The following TACC2 variants were observed in gnomAD, a reference collection of about 807,000 sequenced individuals.
TACC2 encodes transforming acidic coiled-coil containing protein 2.
In TACC2, 137 loss-of-function variants were observed where a neutral mutation model predicts 227.3. The ratio of observed to expected loss-of-function variants is 0.60; its 90% CI spans 0.52 to 0.69. The LOEUF is 0.69. Ranked by LOEUF, TACC2 falls within the 30% of genes least tolerant of loss-of-function variation. The probability of loss-of-function intolerance (pLI) is 0.00; values close to 1 mark genes in which losing one functional copy is unlikely to be tolerated. For missense variants in TACC2, 3,470 were observed against 3,694.4 expected, an observed-to-expected ratio of 0.94 and a Z score of 1.57; for synonymous variants, 1,523 against 1,487.5, an observed-to-expected ratio of 1.02 and a Z score of -0.55.
rs1300617331 is a variant in TACC2 at position 122,085,429 on chromosome 10, A to C, written c.2929A>C (p.Asn977His). 6.2e-7 allele frequency: 1 copy of C among 1,613,886 alleles called. No individual in the cohort carries two copies. The highest frequency in any genetic ancestry group is 2.2e-5 in the East Asian group (1 of 44,888). ...DVLKDFSLAG[N>H]FSRKETCCTG... ...CTTAAAAGACTTTTCTCTTGCAGGG[A>C]ACTTCAGCAGAAAGGAAACTTGCTG... Residue 977 changes from asparagine to histidine, a missense_variant, in exon 4 of 23, where the codon AAC becomes CAC. This residue lies in a region of TACC2 where 1,924 missense variants were observed against 1,978.3 expected (regional missense o/e 0.97). Transcript: ENST00000369005.
chr10:122,136,537 G>A (rs75570286), intron 6 of TACC2, among the ~76,000 whole-genome samples: 1 of 73,622 alleles, frequency 1.4e-5, no homozygotes, highest in Admixed American at 1.5e-4. Context: ...GTATGTTTGT[G>A]TGTGTGTGTA....
At chr10:122,122,612 C>G (rs1018208164) in intron 5 of TACC2, among the ~76,000 whole-genome samples, 15 of 151,936 alleles carry the variant, frequency 9.9e-5, no homozygotes, top group Non-Finnish European at 1.6e-4. Flanking sequence ...GCTGCTTTCC[C>G]CGGGGTCCTG....
chr10:122,176,810 T>C (rs2093741269), intron 7 of TACC2, among the ~76,000 whole-genome samples: 1 of 152,108 alleles, frequency 6.6e-6, no homozygotes, highest in African/African-American at 2.4e-5. Context: ...ACACAGTAAT[T>C]ATGTGTATAT....
chr10:122,033,470 T>C (rs1959194347), intron 2 of TACC2, among the ~76,000 whole-genome samples: 1 of 152,198 alleles, frequency 6.6e-6, no homozygotes, highest in African/African-American at 2.4e-5. Flanking sequence ...TACTAACCCC[T>C]CCAAACTCTT....
intron 3 of TACC2, among the ~76,000 whole-genome samples, chr10:122,073,237 A>G (rs994127199): frequency 8.0e-5 from 12 of 150,580 alleles, no homozygotes; most frequent in Admixed American, 7.3e-4. Context: ...GTACTGAGAG[A>G]GTGTCTGTAC....
At chr10:122,172,785 A>G (rs991865081) in intron 7 of TACC2, among the ~76,000 whole-genome samples, 1 of 151,712 alleles carries the variant, frequency 6.6e-6, no homozygotes, top group Non-Finnish European at 1.5e-5. Flanking sequence ...CTCTTGTGGG[A>G]GGAGGAAGAG....
intron 8 of TACC2, among the ~76,000 whole-genome samples, chr10:122,200,237 C>T (rs10732826): frequency 0.9 from 137,627 of 152,298 alleles, 62,239 homozygotes; most frequent in African/African-American, 0.94. Flanking sequence ...CCCTGGCCAT[C>T]GAGCCAGGGG....
chr10:122,217,365 A>G (rs1412962318), intron 11 of TACC2, among the ~76,000 whole-genome samples: 1 of 151,596 alleles, frequency 6.6e-6, no homozygotes, highest in South Asian at 2.1e-4. Flanking sequence ...GCTCCGGACA[A>G]CTTTGCTTAT....
chr10:122,088,515 G>A lies in TACC2; in HGVS notation c.5497G>A (p.Val1833Ile), dbSNP rs762912856. The change falls in exon 5 of 23, where the codon GTT becomes ATT. Residue 1833 changes from valine to isoleucine, a missense_variant. Val to Ile is a conservative substitution (Grantham distance 29). This residue lies in a region of TACC2 where 1,924 missense variants were observed against 1,978.3 expected (regional missense o/e 0.97). Transcript: ENST00000369005. The part of the protein sequence containing the change: ...PRPGPSMLPS[V>I]PKKDAPRVMD... The stretch of plus-strand genomic sequence containing the variant: ...GCCTGGCCCATCCATGTTACCTTCG[G>A]TTCCTAAGAAGGATGCTCCAAGAGT... 1.9e-6 allele frequency: 3 copies of A among 1,613,596 alleles called. No homozygotes were observed. The highest frequency in any genetic ancestry group is 1.6e-4 in the Middle Eastern group (1 of 6,080).
intron 2 of TACC2, among the ~76,000 whole-genome samples, chr10:122,026,065 T>C (rs2135635884): frequency 6.7e-6 from 1 of 148,610 alleles, no homozygotes; most frequent in African/African-American, 2.5e-5. Flanking sequence ...ACGCCTGTAA[T>C]CCCAGCACTT....
In TACC2 at chr10:122,084,781, C is replaced by T; in HGVS notation, c.2281C>T (p.Gln761Ter). 1 of 1,613,594 alleles carries T rather than the reference C, an allele frequency of 6.2e-7. No homozygotes were observed. Among genetic ancestry groups the T allele is most frequent in the Non-Finnish European group, 8.5e-7 (1 of 1,180,034 alleles). ...GGAGGGCTTGCTGACGTCCCCAGAT[C>T]AACCCCGCGGGCCGGCGTGTGATGC... ...DGEGLLTSPD[Q>*]PRGPACDASR... The change falls in exon 4 of 23, where the codon CAA becomes TAA. Residue 761 changes from glutamine (Q) to a stop codon, truncating the protein, a stop_gained. Coordinates refer to ENST00000369005, the MANE Select transcript of TACC2 (RefSeq NM_206862.4). LOFTEE classifies it high-confidence loss of function.
intron 5 of TACC2, among the ~76,000 whole-genome samples, chr10:122,094,780 G>T (rs1357013799): frequency 6.6e-6 from 1 of 152,204 alleles, no homozygotes; most frequent in Non-Finnish European, 1.5e-5. Flanking sequence ...CAGCATGGAA[G>T]AGCCGCTCAC....
chr10:122,146,541 A>T (rs1471836389), intron 7 of TACC2, among the ~76,000 whole-genome samples: 1 of 151,956 alleles, frequency 6.6e-6, no homozygotes, highest in Middle Eastern at 3.2e-3. Flanking sequence ...TAAGAAGAGG[A>T]AGAAAGACCC....
chr10:122,248,483 T>C, intron 19 of TACC2, 160 bp from the exon 20 acceptor site: 2 of 803,052 alleles, frequency 2.5e-6, no homozygotes, highest in South Asian at 3.4e-5. Flanking sequence ...TTAGAGACAG[T>C]CTGGGAGGGC....
chr10:122,132,323 A>C (rs980132026), intron 5 of TACC2, among the ~76,000 whole-genome samples: 1 of 152,170 alleles, frequency 6.6e-6, no homozygotes, highest in African/African-American at 2.4e-5. Context: ...AGGCATGCAG[A>C]TCACCTGAAG....
intron 16 of TACC2, among the ~76,000 whole-genome samples, chr10:122,233,105 C>T (rs2095790831): frequency 6.6e-6 from 1 of 152,148 alleles, no homozygotes; most frequent in Admixed American, 6.5e-5. Flanking sequence ...TTCTCCATCT[C>T]AGTTAGAAAA....
intron 8 of TACC2, among the ~76,000 whole-genome samples, chr10:122,203,127 T>C (rs1181389926): frequency 2.0e-5 from 3 of 152,220 alleles, no homozygotes; most frequent in South Asian, 4.1e-4. Flanking sequence ...CTTTCTATTC[T>C]ACAAAACCGC....
intron 3 of TACC2, among the ~76,000 whole-genome samples, chr10:122,073,437 G>GGAGAGGT (rs945546119): frequency 1.3e-5 from 2 of 152,196 alleles, no homozygotes; most frequent in African/African-American, 4.8e-5. Flanking sequence ...ATCCCACCTG[G>GGAGAGGT]GAGAGGTGAG....
intron 1 of TACC2, among the ~76,000 whole-genome samples, chr10:122,012,418 C>CAAAAAAAAAAAAAAAAAAAAAAAAA: frequency 1.6e-5 from 1 of 60,726 alleles, no homozygotes; most frequent in Non-Finnish European, 2.9e-5. Flanking sequence ...GACTCCGTCT[C>CAAAAAAAAAAAAAAAAAAAAAAAAA]AAAAAAAAAA....
Sources: allele counts gnomAD v4.1 joint callset (sites outside exome capture counted in the v4.1 genomes callset), GRCh38; gene constraint gnomAD v4.1.1; regional missense constraint gnomAD v4.1.1; transcripts MANE v1.5; gene names NCBI Gene and HGNC (gene_info 2026-07-23, HGNC 2026-07-21).